The following ESRRG variants were observed in gnomAD, a reference collection of about 807,000 sequenced individuals.
The protein encoded by ESRRG is estrogen-related receptor gamma.
In ESRRG, 13 loss-of-function variants were observed where a neutral mutation model predicts 44.0. The ratio of observed to expected loss-of-function variants is 0.30; its 90% CI spans 0.19 to 0.47. ESRRG has a LOEUF of 0.47. Among genes scored for constraint, ESRRG ranks in the 20% least tolerant of loss-of-function variants. The pLI, the probability that ESRRG is intolerant of heterozygous loss-of-function variation, is 1.00. For missense variants in ESRRG, 395 were observed against 580.6 expected, an observed-to-expected ratio of 0.68 and a Z score of 3.29; for synonymous variants, 215 against 214.6, an observed-to-expected ratio of 1.00 and a Z score of -0.02.
At chr1:216,723,803 T>C (rs1459627205), upstream of ESRRG, among the ~76,000 whole-genome samples, 1 of 151,996 alleles carries the variant, frequency 6.6e-6, no homozygotes. Context: ...ACTGGAGGGA[T>C]TTGCCTTTGA....
chr1:216,687,330 T>A (rs1217744972), intron 1 of ESRRG, among the ~76,000 whole-genome samples: 5 of 152,154 alleles, frequency 3.3e-5, no homozygotes, highest in Non-Finnish European at 5.9e-5. Flanking sequence ...AGTGAATGTT[T>A]GTCCCAGTGT....
chr1:216,581,901 C>A (rs1262568083), intron 3 of ESRRG, among the ~76,000 whole-genome samples: 1 of 152,202 alleles, frequency 6.6e-6, no homozygotes, highest in East Asian at 1.9e-4. Flanking sequence ...GCCCTCAGGC[C>A]ACCCGTTTCT....
At chr1:216,668,196 G>T (rs1037843027) in intron 2 of ESRRG, among the ~76,000 whole-genome samples, 45 of 152,310 alleles carry the variant, frequency 3.0e-4, no homozygotes, top group African/African-American at 1.1e-3. Context: ...AACAGAGACA[G>T]TAGGAAAGAA....
Position 216,775,873 on chromosome 1 carries a change from A to C in ESRRG, c.-13-98382T>G, listed in dbSNP as rs144872872. ...AGCTACCGTGCCAAGCTATTTTTTTATACAATATCACCCCCAATTTATCAC... is the reference window on the plus strand; with the variant it reads ...AGCTACCGTGCCAAGCTATTTTTTTCTACAATATCACCCCCAATTTATCAC... On this transcript the variant is annotated intron_variant, in intron 2 of 7. Coordinates refer to the ESRRG transcript ENST00000359162. 4.3e-4 allele frequency among the ~76,000 whole-genome samples: 65 copies of C among 151,644 alleles called. 1 individual carries two copies. The East Asian group carries it at 0.012, about 29-fold the overall frequency.
chr1:216,770,018 C>T (rs1166456033), intron 2 of ESRRG, among the ~76,000 whole-genome samples: 3 of 151,926 alleles, frequency 2.0e-5, no homozygotes, highest in Non-Finnish European at 4.4e-5. Flanking sequence ...ACAAGGAAAA[C>T]TGAGAAGTGA....
chr1:217,100,176 T>A lies in ESRRG; in HGVS notation c.-230+37491A>T, dbSNP rs201618289. The stretch of plus-strand genomic sequence containing the variant: ...GGGAATTCCTCTTTTAAAATCACCT[T>A]CATAGATGGTTTAGGACTCATACAG... On this transcript the variant is annotated intron_variant, in intron 1 of 8. Transcript: ENST00000366940. 1.9e-4 allele frequency among the ~76,000 whole-genome samples: 29 copies of A among 152,326 alleles called. No individual in the cohort carries two copies. The East Asian group carries it at 5.0e-3, about 26-fold the overall frequency.
In ESRRG at chr1:217,124,001, A is replaced by G. The variant is rs17045314; in HGVS notation, c.-230+13666T>C. Among the ~76,000 whole-genome samples, 395 of 152,324 alleles carry G rather than the reference A, an allele frequency of 2.6e-3. 1 individual carries two copies. The highest frequency in any genetic ancestry group is 9.1e-3 in the African/African-American group (379 of 41,570). On this transcript the variant is annotated intron_variant, in intron 1 of 8. Transcript: ENST00000366940. ...AATAAGCTTTCTCTAATTCTTCATG[A>G]GCAGATGAAACACCTTTGAGCCACT...
At chr1:216,976,286 A>ATGTATGTG (rs1553749155) in intron 1 of ESRRG, among the ~76,000 whole-genome samples, 3 of 146,984 alleles carry the variant, frequency 2.0e-5, no homozygotes, top group Non-Finnish European at 1.5e-5. Context: ...ATGCTCCTAA[A>ATGTATGTG]TGTGTGTGTG....
At chr1:217,119,521 A>G (rs1580624489) in intron 1 of ESRRG, among the ~76,000 whole-genome samples, 3 of 152,352 alleles carry the variant, frequency 2.0e-5, no homozygotes, top group East Asian at 3.9e-4. Flanking sequence ...AGTCCTGATT[A>G]CATTTCTTTT....
At chr1:216,673,126 G>A (rs1320878521) in intron 2 of ESRRG, among the ~76,000 whole-genome samples, 2 of 152,110 alleles carry the variant, frequency 1.3e-5, no homozygotes, top group East Asian at 3.9e-4. Context: ...TCTGTTAAGG[G>A]TGGTTTGGCT....
At chr1:216,923,686 A>T (rs1189884844) in intron 2 of ESRRG, among the ~76,000 whole-genome samples, 1 of 152,212 alleles carries the variant, frequency 6.6e-6, no homozygotes, top group Non-Finnish European at 1.5e-5. Context: ...CATTCCATCA[A>T]CATTCCATGC....
chr1:216,877,794 T>C (rs1179934379), intron 2 of ESRRG, among the ~76,000 whole-genome samples: 1 of 152,152 alleles, frequency 6.6e-6, no homozygotes, highest in Non-Finnish European at 1.5e-5. Flanking sequence ...TTTTTTTCAT[T>C]CAGCACTATG....
intron 1 of ESRRG, among the ~76,000 whole-genome samples, chr1:217,040,154 T>C (rs2083584440): frequency 6.6e-6 from 1 of 152,224 alleles, no homozygotes; most frequent in Non-Finnish European, 1.5e-5. Context: ...TTCTGGTTCA[T>C]AAGAACTATG....
intron 1 of ESRRG, among the ~76,000 whole-genome samples, chr1:216,712,188 T>C (rs1456273700): frequency 6.6e-6 from 1 of 152,220 alleles, no homozygotes; most frequent in African/African-American, 2.4e-5. Context: ...TCATGTGAAA[T>C]GAAGTTTTTT....
At chr1:216,852,141 T>C (rs1156233688) in intron 2 of ESRRG, among the ~76,000 whole-genome samples, 3 of 152,212 alleles carry the variant, frequency 2.0e-5, no homozygotes, top group Non-Finnish European at 2.9e-5. Flanking sequence ...ATTTGAGACT[T>C]AAGAAATACC....
In ESRRG at chr1:216,745,708, G is replaced by A. The variant is rs140411056; in HGVS notation, c.-13-68217C>T. On this transcript the variant is annotated intron_variant, in intron 2 of 7. Transcript: ENST00000359162. Reference sequence around the variant, plus strand: ...TCCATGTCAGCTCTGTGTATTACTAGGAGTTTGTCCTTGAGAAAGTTACTT... The same window carrying A: ...TCCATGTCAGCTCTGTGTATTACTAAGAGTTTGTCCTTGAGAAAGTTACTT... 2.0e-5 allele frequency among the ~76,000 whole-genome samples: 3 copies of A among 152,208 alleles called. No individual in the cohort carries two copies. The East Asian group carries it at 5.8e-4, about 29-fold the overall frequency.
intron 3 of ESRRG, among the ~76,000 whole-genome samples, chr1:216,574,669 G>T (rs2149710974): frequency 6.6e-6 from 1 of 152,138 alleles, no homozygotes; most frequent in African/African-American, 2.4e-5. Context: ...CTAGACCCAT[G>T]GAATAGTTAA....
chr1:216,763,962 A>G (rs537840174), intron 2 of ESRRG, among the ~76,000 whole-genome samples: 13 of 152,254 alleles, frequency 8.5e-5, no homozygotes, highest in Non-Finnish European at 1.6e-4. Flanking sequence ...TAATCTGGGG[A>G]AAAAAAGTAA....
chr1:216,980,099 A>G (rs2073684422), intron 1 of ESRRG, among the ~76,000 whole-genome samples: 1 of 152,078 alleles, frequency 6.6e-6, no homozygotes, highest in African/African-American at 2.4e-5. Context: ...CTTTTATTTC[A>G]TGATGTCCAT....
Sources: allele counts gnomAD v4.1 joint callset (sites outside exome capture counted in the v4.1 genomes callset), GRCh38; gene constraint gnomAD v4.1.1; transcripts MANE v1.5; gene names NCBI Gene and HGNC (gene_info 2026-07-23, HGNC 2026-07-21).